Variants in SNTG1 observed in about 807,000 individuals in gnomAD.
SNTG1 encodes gamma-1-syntrophin.
SNTG1 carries 39 observed loss-of-function variants against 74.7 expected under a neutral mutation model. The ratio of observed to expected loss-of-function variants is 0.52; its 90% CI spans 0.40 to 0.68. SNTG1 has a LOEUF of 0.68. SNTG1 is among the 30% of genes least tolerant of loss of function. The pLI is 0.00. For missense variants in SNTG1, 685 were observed against 609.5 expected (o/e 1.12, Z -1.30); for synonymous variants, 254 against 217.1 (o/e 1.17, Z -1.49).
chr8:50,174,369 G>A (rs534420498), intron 2 of SNTG1, among the ~76,000 whole-genome samples: 265 of 152,188 alleles, frequency 1.7e-3, no homozygotes, highest in Non-Finnish European at 2.7e-3. Context: ...GGGATTGCTG[G>A]GTCAAATGGT....
At chr8:50,343,945 A>G (rs1003369507) in intron 2 of SNTG1, among the ~76,000 whole-genome samples, 1 of 152,132 alleles carries the variant, frequency 6.6e-6, no homozygotes, top group African/African-American at 2.4e-5. Context: ...TAGGAATAAG[A>G]TGGCTGGTGT....
intron 1 of SNTG1, among the ~76,000 whole-genome samples, chr8:50,015,208 A>G (rs1382989354): frequency 6.6e-6 from 1 of 152,134 alleles, no homozygotes; most frequent in African/African-American, 2.4e-5. Context: ...ATAATTTTGG[A>G]AAGATCACAG....
At chr8:50,095,540 C>T (rs1006214760) in intron 1 of SNTG1, among the ~76,000 whole-genome samples, 1 of 152,022 alleles carries the variant, frequency 6.6e-6, no homozygotes, top group Non-Finnish European at 1.5e-5. Flanking sequence ...TATACAAGCA[C>T]ATTTCATAAT....
chr8:50,417,032 A>G (rs1402789710), intron 4 of SNTG1, among the ~76,000 whole-genome samples: 2 of 152,180 alleles, frequency 1.3e-5, no homozygotes, highest in Non-Finnish European at 2.9e-5. Context: ...TTGTACTTGA[A>G]AAAGTGTTTT....
intron 5 of SNTG1, 50 bp from the exon 6 acceptor site, chr8:50,449,618 C>T: frequency 6.9e-7 from 1 of 1,443,804 alleles, no homozygotes; most frequent in South Asian, 1.5e-5. Flanking sequence ...TAGCTAAAAG[C>T]AGCATTTTTT....
intron 1 of SNTG1, among the ~76,000 whole-genome samples, chr8:50,077,581 T>C (rs978167903): frequency 6.6e-6 from 1 of 152,188 alleles, no homozygotes; most frequent in African/African-American, 2.4e-5. Flanking sequence ...TAAGCTATAA[T>C]TTGTGTAAGA....
chr8:50,079,849 G>T (rs553391098), intron 1 of SNTG1, among the ~76,000 whole-genome samples: 1 of 152,228 alleles, frequency 6.6e-6, no homozygotes, highest in Non-Finnish European at 1.5e-5. Flanking sequence ...TTGAAGATCA[G>T]ATGGTTGTAG....
At chr8:49,962,948 A>T (rs990021020) in intron 1 of SNTG1, among the ~76,000 whole-genome samples, 2 of 152,178 alleles carry the variant, frequency 1.3e-5, no homozygotes, top group African/African-American at 4.8e-5. Context: ...GGCAGGCAGT[A>T]TCTGGCAGGA....
At chr8:50,766,404 G>A (rs1418186261) in intron 18 of SNTG1, among the ~76,000 whole-genome samples, 2 of 151,846 alleles carry the variant, frequency 1.3e-5, no homozygotes. Flanking sequence ...CTGCTGATTT[G>A]GGAATAATAA....
intron 1 of SNTG1, among the ~76,000 whole-genome samples, chr8:50,135,592 C>A (rs537926950): frequency 7.4e-4 from 113 of 151,932 alleles, no homozygotes; most frequent in Non-Finnish European, 1.1e-3. Flanking sequence ...TTAACCTTTA[C>A]AAGGTCTTTC....
chr8:50,183,764 C>G (rs1165981256), intron 2 of SNTG1, among the ~76,000 whole-genome samples: 1 of 152,094 alleles, frequency 6.6e-6, no homozygotes, highest in East Asian at 1.9e-4. Context: ...AAACCTCAGC[C>G]CAGTCATGAC....
At chr8:50,716,060 C>A (rs1465489492) in intron 17 of SNTG1, among the ~76,000 whole-genome samples, 1 of 151,964 alleles carries the variant, frequency 6.6e-6, no homozygotes, top group African/African-American at 2.4e-5. Context: ...ACTGTTTCTC[C>A]CAAAGGTGTA....
chr8:50,024,696 T>C (rs188032631), intron 1 of SNTG1, among the ~76,000 whole-genome samples: 2 of 152,280 alleles, frequency 1.3e-5, no homozygotes, highest in Admixed American at 1.3e-4. Flanking sequence ...AATGAAATGA[T>C]TAAAACAGTA....
intron 2 of SNTG1, among the ~76,000 whole-genome samples, chr8:50,227,728 A>G (rs1410826043): frequency 6.7e-6 from 1 of 149,366 alleles, no homozygotes; most frequent in Non-Finnish European, 1.5e-5. Context: ...AGAAGCCAAA[A>G]GTCAAGGGAA....
intron 15 of SNTG1, among the ~76,000 whole-genome samples, chr8:50,674,321 G>A (rs2095299780): frequency 6.6e-6 from 1 of 151,886 alleles, no homozygotes; most frequent in Non-Finnish European, 1.5e-5. Context: ...TTTTTTGGTT[G>A]GTAGGCTATT....
At chr8:50,340,506 G>A (rs1480287259) in intron 2 of SNTG1, among the ~76,000 whole-genome samples, 1 of 151,842 alleles carries the variant, frequency 6.6e-6, no homozygotes, top group Non-Finnish European at 1.5e-5. Flanking sequence ...GTTAACAACT[G>A]GACATCCACA....
intron 1 of SNTG1, among the ~76,000 whole-genome samples, chr8:49,915,262 T>C (rs1015543089): frequency 3.3e-5 from 5 of 152,300 alleles, no homozygotes; most frequent in Admixed American, 2.0e-4. Context: ...TGTGGGATAC[T>C]GGAAAGTCGA....
At chr8:50,677,332 ATAT>A (rs2095313143) in intron 15 of SNTG1, among the ~76,000 whole-genome samples, 2 of 152,028 alleles carry the variant, frequency 1.3e-5, no homozygotes, top group African/African-American at 4.8e-5. Context: ...ATGCTTAAAA[ATAT>A]TATGTTTAAT....
At chr8:50,413,718 T>C (rs1044359938) in intron 4 of SNTG1, among the ~76,000 whole-genome samples, 1 of 152,218 alleles carries the variant, frequency 6.6e-6, no homozygotes, top group Admixed American at 6.5e-5. Context: ...TTAGATCAGC[T>C]CCCTGGATTC....
Sources: gnomAD v4.1 joint callset for allele counts (sites outside exome capture counted in the v4.1 genomes callset) on GRCh38, gnomAD v4.1.1 for gene constraint, MANE v1.5 for transcripts, NCBI Gene and HGNC (gene_info 2026-07-23, HGNC 2026-07-21) for gene names.